The following SNX29 variants were observed in gnomAD, a reference collection of about 807,000 sequenced individuals.
SNX29 encodes sorting nexin 29.
Under a neutral mutation model 102.1 loss-of-function variants are expected in SNX29, and 78 were observed. The observed-to-expected ratio is 0.76, with a 90% confidence interval of 0.64 to 0.92. The LOEUF is 0.92. Among genes scored for constraint, SNX29 ranks in the 40% least tolerant of loss-of-function variants. The pLI is 0.00. For missense variants in SNX29, 1,280 were observed against 1,061.7 expected (o/e 1.21, Z -2.86); for synonymous variants, 580 against 414.5 (o/e 1.40, Z -4.85).
rs528350940 is a variant in SNX29, at chr16:12,207,198, A to T, written c.1678+7515A>T. The stretch of plus-strand genomic sequence containing the variant: ...AGCCAGACCAACATGGTGAAACCCC[A>T]TCTCTACTAAAAATACAAAAATTAG... On this transcript the variant is annotated intron_variant, in intron 14 of 20. Transcript: ENST00000566228. Among the ~76,000 whole-genome samples the T allele has an allele frequency of 1.3e-4, 20 of 152,150 alleles. No individual in the cohort carries two copies. The South Asian group carries it at 4.0e-3, about 30-fold the overall frequency.
intron 15 of SNX29, among the ~76,000 whole-genome samples, chr16:12,312,593 G>C (rs991874915): frequency 6.6e-6 from 1 of 152,008 alleles, no homozygotes; most frequent in Non-Finnish European, 1.5e-5. Context: ...AGGGGGTCTC[G>C]CATTTCTTGG....
Position 12,569,187 on chromosome 16 carries a change from C to G in SNX29, c.*558C>G, listed in dbSNP as rs1484387029. The G allele has an allele frequency of 4.6e-6, 1 of 217,612 alleles. No homozygotes were observed. Among genetic ancestry groups the G allele is most frequent in the African/African-American group, 2.3e-5 (1 of 44,278 alleles). The allele number at this position is 217,612 out of a possible 1,614,324, so 13.5% of individuals were successfully genotyped here. A position where few individuals can be genotyped will look rare whatever the true frequency, so the allele number is the denominator to read the frequency against. ...ATTTTCCACCAACAGTCATTAGACA[C>G]CTGGCACTGTCACAGCTCACTTTTC... On this transcript the variant is annotated 3_prime_UTR_variant, in exon 21 of 21. Transcript: ENST00000566228.
chr16:11,990,130 A>G (rs1055185237), intron 1 of SNX29, among the ~76,000 whole-genome samples: 4 of 152,206 alleles, frequency 2.6e-5, no homozygotes, highest in African/African-American at 9.6e-5. Context: ...TGTGAGGGTT[A>G]AACGTATGTC....
Position 12,573,416 on chromosome 16 carries a change from G to C in SNX29, c.*4787G>C, listed in dbSNP as rs557505670. On this transcript the variant is annotated 3_prime_UTR_variant, in exon 21 of 21. Transcript: ENST00000566228. Reference sequence around the variant, plus strand: ...CTAGTTTCTATAGAGAAGTGAAAAAGAAATCTGGCTTCCTTAATAAGATAG... The same window carrying C: ...CTAGTTTCTATAGAGAAGTGAAAAACAAATCTGGCTTCCTTAATAAGATAG... 1 of 223,338 alleles carries C rather than the reference G, an allele frequency of 4.5e-6. No individual in the cohort carries two copies. The highest frequency in any genetic ancestry group is 5.7e-5 in the Admixed American group (1 of 17,418). 13.8% of individuals were successfully genotyped at this position (223,338 alleles called of 1,614,324 possible).
intron 20 of SNX29, among the ~76,000 whole-genome samples, chr16:12,532,497 G>T (rs952420325): frequency 1.3e-5 from 2 of 152,232 alleles, no homozygotes; most frequent in East Asian, 1.9e-4. Flanking sequence ...TGGATAAGTA[G>T]TGGGAAGGAT....
At chr16:11,977,930 T>G (rs2055338148) in intron 1 of SNX29, 1 of 152,230 alleles carries the variant, frequency 6.6e-6, no homozygotes, top group Non-Finnish European at 1.5e-5. Context: ...CACTGTGGAA[T>G]TGTTTCTGAG....
chr16:12,189,469 C>T (rs937151432), intron 13 of SNX29, among the ~76,000 whole-genome samples: 2 of 152,198 alleles, frequency 1.3e-5, no homozygotes, highest in Middle Eastern at 3.4e-3. Flanking sequence ...TGATTAGATT[C>T]GGTTTATGCA....
intron 16 of SNX29, among the ~76,000 whole-genome samples, chr16:12,385,456 T>C (rs2083309392): frequency 6.6e-6 from 1 of 152,188 alleles, no homozygotes; most frequent in African/African-American, 2.4e-5. Context: ...CGCAGGGCTC[T>C]AGGGCTCTGA....
chr16:12,559,313 T>G lies in SNX29; in HGVS notation c.2319-9193T>G, dbSNP rs115430806. On this transcript the variant is annotated intron_variant, in intron 20 of 20. Transcript: ENST00000566228. ...TCTGAAAGGCATGCAAACCCTATTG[T>G]GAACTGCCCATGTGAGGGATCTAGG... Among the ~76,000 whole-genome samples, 325 of 151,968 alleles carry G rather than the reference T, an allele frequency of 2.1e-3. 1 individual carries two copies. The highest frequency in any genetic ancestry group is 7.5e-3 in the African/African-American group (312 of 41,420).
At chr16:12,296,158 C>T (rs559659907) in intron 15 of SNX29, among the ~76,000 whole-genome samples, 3 of 152,124 alleles carry the variant, frequency 2.0e-5, no homozygotes, top group Admixed American at 6.5e-5. Flanking sequence ...TGCTCTGGCT[C>T]GGGAGGAGAG....
At chr16:12,568,430 C>G (rs933565342) in intron 20 of SNX29, 76 bp from the exon 21 acceptor site, 2 of 1,577,456 alleles carry the variant, frequency 1.3e-6, no homozygotes, top group Non-Finnish European at 1.7e-6. Context: ...GCCCTCACAC[C>G]TGGCTCCCCT....
intron 15 of SNX29, among the ~76,000 whole-genome samples, chr16:12,305,433 C>T (rs1386680211): frequency 1.3e-5 from 2 of 152,202 alleles, no homozygotes; most frequent in South Asian, 4.1e-4. Context: ...ATTTTAGCTG[C>T]CAGTGACTGT....
Position 12,451,131 on chromosome 16 carries a change from T to C in SNX29, c.2038-26588T>C, listed in dbSNP as rs558872276. On this transcript the variant is annotated intron_variant, in intron 18 of 20. Transcript: ENST00000566228. The stretch of plus-strand genomic sequence containing the variant: ...AGAGCCGCAGAGGTACTTACTGCTA[T>C]TTTTATTGATTCAACAATCTGCTAC... Among the ~76,000 whole-genome samples, 3 of 152,352 alleles carry C rather than the reference T, an allele frequency of 2.0e-5. No individual in the cohort carries two copies. In the East Asian group the frequency reaches 5.8e-4, roughly 29 times the overall value.
At chr16:12,128,896 G>A (rs1400643830) in intron 12 of SNX29, among the ~76,000 whole-genome samples, 6 of 152,202 alleles carry the variant, frequency 3.9e-5, no homozygotes, top group African/African-American at 1.4e-4. Flanking sequence ...CTCTCTCCTA[G>A]GCGGTCACTG....
intron 15 of SNX29, among the ~76,000 whole-genome samples, chr16:12,313,681 G>A (rs995883184): frequency 2.0e-5 from 3 of 152,206 alleles, no homozygotes; most frequent in African/African-American, 7.2e-5. Context: ...TGAGGGCAGG[G>A]AAGTCTCAGT....
chr16:12,129,827 G>A (rs193284712), intron 13 of SNX29, 69 bp downstream of exon 13: 88 of 1,484,798 alleles, frequency 5.9e-5, no homozygotes, highest in African/African-American at 1.8e-4. Context: ...ATACTGGGCC[G>A]GGCACGGTGG....
chr16:12,422,822 C>CT (rs2084923208), intron 18 of SNX29, among the ~76,000 whole-genome samples: 1 of 152,228 alleles, frequency 6.6e-6, no homozygotes, highest in Admixed American at 6.5e-5. Flanking sequence ...GACAATTTCA[C>CT]TTTTGTGAAG....
intron 18 of SNX29, among the ~76,000 whole-genome samples, chr16:12,453,202 GCCCTATTCACCTGT>G (rs1269148751): frequency 6.6e-6 from 1 of 152,176 alleles, no homozygotes; most frequent in East Asian, 1.9e-4. Flanking sequence ...ATGCCACCTG[GCCCTATTCACCTGT>G]CCATGGCAGA....
intron 12 of SNX29, among the ~76,000 whole-genome samples, chr16:12,129,313 A>G (rs2054352436): frequency 6.6e-6 from 1 of 152,124 alleles, no homozygotes; most frequent in Non-Finnish European, 1.5e-5. Flanking sequence ...TGAGTGGGGT[A>G]TCTGTAAAGG....
Sources: gnomAD v4.1 joint callset for allele counts (sites outside exome capture counted in the v4.1 genomes callset) on GRCh38, gnomAD v4.1.1 for gene constraint, MANE v1.5 for transcripts, NCBI Gene and HGNC (gene_info 2026-07-23, HGNC 2026-07-21) for gene names.